DNAAF11: variants seen among roughly 807,000 people sequenced by gnomAD.
DNAAF11 encodes the protein leucine rich repeat containing 6.
In DNAAF11, 45 loss-of-function variants were observed where a neutral mutation model predicts 60.8. The observed-to-expected ratio is 0.74, with a 90% CI of 0.58 to 0.95. The LOEUF is 0.95. Among genes scored for constraint, DNAAF11 ranks in the 40% least tolerant of loss-of-function variants. DNAAF11 has a pLI of 0.00. For synonymous variants in DNAAF11, 191 were observed against 183.5 expected (o/e 1.04, Z -0.33); for missense variants, 546 against 546.2 (o/e 1.00, Z 0.00).
At chr8:132,644,661 G>A (rs1199889605) in intron 3 of DNAAF11, among the ~76,000 whole-genome samples, 1 of 152,160 alleles carries the variant, frequency 6.6e-6, no homozygotes, top group Non-Finnish European at 1.5e-5. Context: ...AACAGTCTTA[G>A]CAAACAGCAC....
At chr8:132,609,127 T>C (rs1224448951) in intron 10 of DNAAF11, among the ~76,000 whole-genome samples, 1 of 152,042 alleles carries the variant, frequency 6.6e-6, no homozygotes, top group East Asian at 1.9e-4. Flanking sequence ...GAGGTATGAT[T>C]AATAGAAACC....
At chr8:132,651,000 A>G (rs547607653) in intron 3 of DNAAF11, among the ~76,000 whole-genome samples, 1 of 152,346 alleles carries the variant, frequency 6.6e-6, no homozygotes, top group South Asian at 2.1e-4. Flanking sequence ...AATATGAACA[A>G]TTCTTGCCAA....
At chr8:132,664,456 C>T (rs752830841) in intron 1 of DNAAF11, among the ~76,000 whole-genome samples, 9 of 152,090 alleles carry the variant, frequency 5.9e-5, no homozygotes, top group Non-Finnish European at 1.2e-4. Context: ...TCTTGCTATA[C>T]CTCTGAACAT....
chr8:132,699,905 A>T, the DNAAF11 span, among the ~76,000 whole-genome samples: 2 of 152,144 alleles, frequency 1.3e-5, no homozygotes, highest in Non-Finnish European at 2.9e-5. Context: ...AAATCCATAG[A>T]CAGAAGACTA....
chr8:132,632,894 G>A lies in DNAAF11; in HGVS notation c.499C>T (p.Pro167Ser), dbSNP rs1208351628. Residue 167 changes from proline to serine, a missense_variant, in exon 5 of 12, where the codon CCA becomes TCA. By Grantham distance (74) the Pro-to-Ser change is moderately conservative (BLOSUM62 -1). Transcript: ENST00000620350. ...TCTTTTTCCTGCTCTCTGATTTGTGGTTCAATTACTGAATAGTCCTGCAAT... is the reference window on the plus strand; with the variant it reads ...TCTTTTTCCTGCTCTCTGATTTGTGATTCAATTACTGAATAGTCCTGCAAT... ...KALQDYSVIEPQIREQEKDHC... is the reference protein window; with the variant it reads ...KALQDYSVIESQIREQEKDHC... 4 of 1,613,768 alleles carry A rather than the reference G, an allele frequency of 2.5e-6. No individual in the cohort carries two copies. In the South Asian group the frequency reaches 4.4e-5, roughly 18 times the overall value.
the DNAAF11 span, among the ~76,000 whole-genome samples, chr8:132,692,394 T>C: frequency 2.0e-5 from 3 of 152,192 alleles, no homozygotes; most frequent in Non-Finnish European, 2.9e-5. Flanking sequence ...AGTTTCCTCA[T>C]CAATAAAAGA....
chr8:132,659,251 T>C (rs982422954), intron 2 of DNAAF11, among the ~76,000 whole-genome samples: 11 of 152,200 alleles, frequency 7.2e-5, no homozygotes, highest in Non-Finnish European at 1.3e-4. Flanking sequence ...GGAAAGGCAA[T>C]TGCTTCACAA....
At chr8:132,616,544 T>A (rs1819178433) in intron 7 of DNAAF11, among the ~76,000 whole-genome samples, 1 of 151,940 alleles carries the variant, frequency 6.6e-6, no homozygotes, top group South Asian at 2.1e-4. Flanking sequence ...GAATCCAAGG[T>A]TTCTGGTCTT....
the DNAAF11 span, chr8:132,687,416 T>G: frequency 3.1e-6 from 1 of 321,080 alleles, no homozygotes; most frequent in South Asian, 2.6e-5. Context: ...AGCAGAATAA[T>G]GAAGTCATAA....
At chr8:132,676,920 A>T (rs950788457), upstream of DNAAF11, among the ~76,000 whole-genome samples, 3 of 152,196 alleles carry the variant, frequency 2.0e-5, no homozygotes, top group Non-Finnish European at 4.4e-5. Flanking sequence ...AACTTACCTG[A>T]CATCCACTAT....
At chr8:132,580,022 AG>A (rs1296099226) in intron 11 of DNAAF11, among the ~76,000 whole-genome samples, 2 of 151,966 alleles carry the variant, frequency 1.3e-5, no homozygotes, top group African/African-American at 4.8e-5. Context: ...TGAACAAAAA[AG>A]ACGACTACTC....
At chr8:132,633,801 T>C (rs1001883416) in intron 4 of DNAAF11, among the ~76,000 whole-genome samples, 5 of 152,226 alleles carry the variant, frequency 3.3e-5, no homozygotes, top group East Asian at 1.9e-4. Flanking sequence ...ACTGATGTCT[T>C]TGGAGATGGA....
chr8:132,610,302 C>A (rs370931330), intron 9 of DNAAF11, 41 bp from the exon 10 acceptor site: 78 of 1,356,542 alleles, frequency 5.7e-5, no homozygotes, highest in Non-Finnish European at 6.3e-5. Flanking sequence ...AGAGCAAGGA[C>A]GTTACATGAG....
chr8:132,679,682 G>A (rs562668663), upstream of DNAAF11, among the ~76,000 whole-genome samples: 1 of 152,136 alleles, frequency 6.6e-6, no homozygotes, highest in South Asian at 2.1e-4. Context: ...CCAGGGGGTG[G>A]GTCTTTCCCT....
At chr8:132,682,631 AT>A in the DNAAF11 span, among the ~76,000 whole-genome samples, 14 of 152,348 alleles carry the variant, frequency 9.2e-5, no homozygotes, top group Admixed American at 5.2e-4. Context: ...GTATGGACAC[AT>A]TACTCTTCCA....
chr8:132,655,769 C>T (rs1823497371), intron 3 of DNAAF11, among the ~76,000 whole-genome samples: 1 of 152,172 alleles, frequency 6.6e-6, no homozygotes, highest in African/African-American at 2.4e-5. Context: ...AGCACAATAA[C>T]ATACCACTTC....
At chr8:132,574,225 C>A (rs1017114671) in intron 11 of DNAAF11, among the ~76,000 whole-genome samples, 1 of 152,178 alleles carries the variant, frequency 6.6e-6, no homozygotes, top group African/African-American at 2.4e-5. Flanking sequence ...GCTGACTGTG[C>A]AGAAAACAGT....
intron 3 of DNAAF11, among the ~76,000 whole-genome samples, chr8:132,639,989 G>C (rs980190955): frequency 2.0e-5 from 3 of 152,158 alleles, no homozygotes; most frequent in African/African-American, 7.2e-5. Flanking sequence ...ATGCCCATTA[G>C]ACATTGTAAG....
chr8:132,698,964 AC>A, the DNAAF11 span, among the ~76,000 whole-genome samples: 3 of 99,142 alleles, frequency 3.0e-5, no homozygotes, highest in African/African-American at 1.2e-4. Context: ...ATACACACAC[AC>A]ACACACAAAA....
Sources: gnomAD v4.1 joint callset for allele counts (sites outside exome capture counted in the v4.1 genomes callset) on GRCh38, gnomAD v4.1.1 for gene constraint, MANE v1.5 for transcripts, NCBI Gene and HGNC (gene_info 2026-07-23, HGNC 2026-07-21) for gene names.